Variants in TMEM242 observed in about 807,000 individuals in gnomAD.
TMEM242 encodes transmembrane protein 242.
A neutral mutation model predicts 18.2 loss-of-function variants in TMEM242; 10 were observed. The ratio of observed to expected loss-of-function variants is 0.55; its 90% CI spans 0.34 to 0.93. The LOEUF (loss-of-function observed/expected upper bound fraction) is 0.93, where lower values mean the gene tolerates loss of function less well. Among genes scored for constraint, TMEM242 ranks in the 40% least tolerant of loss-of-function variants. TMEM242 has a pLI of 0.02. For missense variants in TMEM242, 186 were observed against 175.5 expected (o/e 1.06, Z -0.34); for synonymous variants, 57 against 69.9 (o/e 0.81, Z 0.92).
intron 3 of TMEM242, among the ~76,000 whole-genome samples, chr6:157,313,844 ACAGTGCCCCAGTGTGCACTCCCC>A (rs1778309307): frequency 7.1e-6 from 1 of 141,288 alleles, no homozygotes; most frequent in African/African-American, 2.5e-5. Flanking sequence ...TAGCCTCATC[ACAGTGCCCCAGTGTGCACTCCCC>A]TAGCCTCATC....
chr6:157,310,542 G>A (rs1554248317), intron 3 of TMEM242, among the ~76,000 whole-genome samples: 1 of 119,020 alleles, frequency 8.4e-6, no homozygotes, highest in African/African-American at 3.3e-5. Context: ...GTATCCCAGT[G>A]TGCGCTCACC....
intron 3 of TMEM242, chr6:157,299,212 T>C (rs1777792909): frequency 1.5e-6 from 1 of 689,356 alleles, no homozygotes; most frequent in Non-Finnish European, 2.8e-6. Context: ...TGTGTTCTCC[T>C]AAGATTCTTC....
chr6:157,314,500 T>G (rs1354891011), intron 3 of TMEM242, among the ~76,000 whole-genome samples: 2 of 152,254 alleles, frequency 1.3e-5, no homozygotes, highest in East Asian at 3.8e-4. Flanking sequence ...TAAAATACCA[T>G]AGTTGAAAGT....
At chr6:157,304,655 T>C (rs1777886101) in intron 3 of TMEM242, among the ~76,000 whole-genome samples, 1 of 152,186 alleles carries the variant, frequency 6.6e-6, no homozygotes, top group Non-Finnish European at 1.5e-5. Context: ...AGAATCTACA[T>C]TCTTTTTGTG....
At chr6:157,298,798 C>T (rs587636513) in intron 3 of TMEM242, among the ~76,000 whole-genome samples, 5 of 152,262 alleles carry the variant, frequency 3.3e-5, no homozygotes, top group Admixed American at 3.3e-4. Context: ...ATGCCAACTA[C>T]ATATATAACA....
intron 3 of TMEM242, among the ~76,000 whole-genome samples, chr6:157,310,332 T>G (rs368089379): frequency 2.5e-3 from 33 of 13,040 alleles, no homozygotes; most frequent in South Asian, 0.023. Flanking sequence ...AAACTTAAAC[T>G]ATCTGTCTTG....
Position 157,308,479 on chromosome 6 carries a change from A to G in TMEM242, c.327+10303T>C, listed in dbSNP as rs182062659. 1.5e-4 allele frequency among the ~76,000 whole-genome samples: 23 copies of G among 152,352 alleles called. No individual in the cohort carries two copies. The East Asian group carries it at 3.3e-3, about 22-fold the overall frequency. ...AATACTGTCCTAGAGGAAAGATACAATATTACTTCCCTTAAAGATTCTCTT... is the reference window on the plus strand; with the variant it reads ...AATACTGTCCTAGAGGAAAGATACAGTATTACTTCCCTTAAAGATTCTCTT... On this transcript the variant is annotated intron_variant, in intron 3 of 3. Transcript: ENST00000400788.
intron 3 of TMEM242, among the ~76,000 whole-genome samples, chr6:157,313,325 T>C (rs199789906): frequency 0.043 from 51 of 1,180 alleles, 2 homozygotes; most frequent in Middle Eastern, 0.17. Flanking sequence ...TGCGCTCACC[T>C]GGCCTCATCA....
rs1554246869 is a variant in TMEM242, at chr6:157,292,316, A to T, written c.*585T>A. 1 of 152,238 alleles carries T rather than the reference A, an allele frequency of 6.6e-6. No homozygotes were observed. Among genetic ancestry groups the T allele is most frequent in the African/African-American group, 2.4e-5 (1 of 41,458 alleles). 9.4% of individuals were successfully genotyped at this position (152,238 alleles called of 1,614,324 possible). ...AAGTATAAGAATTTATAGGGCCTTC[A>T]AGCAAGGGCATCAGGTAAATAACTA... On this transcript the variant is annotated 3_prime_UTR_variant, in exon 4 of 4. Transcript: ENST00000400788.
At chr6:157,297,957 A>G (rs181477961) in intron 3 of TMEM242, among the ~76,000 whole-genome samples, 90 of 152,364 alleles carry the variant, frequency 5.9e-4, no homozygotes, top group Non-Finnish European at 1.0e-3. Context: ...TCACATGCAT[A>G]AAGTCCAAAA....
intron 2 of TMEM242, among the ~76,000 whole-genome samples, chr6:157,321,275 T>G (rs587601413): frequency 1.4e-4 from 21 of 152,326 alleles, no homozygotes; most frequent in Non-Finnish European, 2.4e-4. Flanking sequence ...CCCTAAGTGC[T>G]GGGATTACAA....
At chr6:157,313,065 AGGG>A (rs1778239115) in intron 3 of TMEM242, among the ~76,000 whole-genome samples, 1 of 151,614 alleles carries the variant, frequency 6.6e-6, no homozygotes, top group African/African-American at 2.4e-5. Context: ...GCCTCATCAT[AGGG>A]TCCCAGTATG....
intron 2 of TMEM242, 86 bp downstream of exon 2, chr6:157,322,619 C>T: frequency 9.2e-7 from 1 of 1,087,840 alleles, no homozygotes; most frequent in Non-Finnish European, 1.3e-6. Context: ...ATGTGAAAGA[C>T]CATCAATATT....
chr6:157,318,666 C>T, intron 3 of TMEM242, 116 bp downstream of exon 3: 1 of 1,173,860 alleles, frequency 8.5e-7, no homozygotes, highest in African/African-American at 1.6e-5. Flanking sequence ...ACTCTGTCAT[C>T]ATCTCCCTAG....
chr6:157,313,715 C>T (rs1380161572), intron 3 of TMEM242, among the ~76,000 whole-genome samples: 2 of 119,482 alleles, frequency 1.7e-5, no homozygotes, highest in Non-Finnish European at 3.8e-5. Flanking sequence ...ATCATAGTGT[C>T]CCCGTGTGTG....
intron 3 of TMEM242, among the ~76,000 whole-genome samples, chr6:157,311,343 C>A (rs1778076291): frequency 7.3e-6 from 1 of 136,098 alleles, no homozygotes; most frequent in African/African-American, 2.7e-5. Context: ...TCATAGTGTC[C>A]CAGTGTGCGC....
Position 157,301,592 on chromosome 6 carries a change from A to G in TMEM242, c.328-8593T>C, listed in dbSNP as rs1045494689. ...CTCCCAAAGTGTTGGGATTACAGGCATAAGCCAACGCGCCTGGCCGAAAAG... is the reference window on the plus strand; with the variant it reads ...CTCCCAAAGTGTTGGGATTACAGGCGTAAGCCAACGCGCCTGGCCGAAAAG... On this transcript the variant is annotated intron_variant, in intron 3 of 3. Coordinates refer to ENST00000400788, the MANE Select transcript of TMEM242 (RefSeq NM_018452.6). 1.2e-4 allele frequency among the ~76,000 whole-genome samples: 18 copies of G among 152,302 alleles called. No individual in the cohort carries two copies. The East Asian group carries it at 3.1e-3, about 26-fold the overall frequency.
rs1249138163 is a variant in TMEM242 at position 157,291,594 on chromosome 6, T to C, written c.*1307A>G. On this transcript the variant is annotated 3_prime_UTR_variant, in exon 4 of 4. Transcript: ENST00000400788. ...ATTCACTGACCAATTTCACAATCCT[T>C]TCCTTTCAGTCTTGGATTTTTAACA... The C allele has an allele frequency of 1.3e-5, 2 of 152,238 alleles. No homozygotes were observed. The highest frequency in any genetic ancestry group is 4.8e-5 in the African/African-American group (2 of 41,466). 9.4% of individuals were successfully genotyped at this position (152,238 alleles called of 1,614,324 possible). A position where few individuals can be genotyped will look rare whatever the true frequency, so the allele number is the denominator to read the frequency against.
At chr6:157,299,193 GA>G in intron 3 of TMEM242, 1 of 655,138 alleles carries the variant, frequency 1.5e-6, no homozygotes, top group South Asian at 1.4e-5. Flanking sequence ...AATGATGGTG[GA>G]AACTGGATGT....
Sources: gnomAD v4.1 joint callset for allele counts (sites outside exome capture counted in the v4.1 genomes callset) on GRCh38, gnomAD v4.1.1 for gene constraint, MANE v1.5 for transcripts, NCBI Gene and HGNC (gene_info 2026-07-23, HGNC 2026-07-21) for gene names.